SPMIP9: variants seen among roughly 807,000 people sequenced by gnomAD.
SPMIP9 encodes protein SPMIP9.
the SPMIP9 span, chr2:88,529,298 C>A: frequency 1.2e-6 from 2 of 1,614,134 alleles, no homozygotes. Context: ...CCAGGGTGAC[C>A]CCAACCAGGT....
the SPMIP9 span, chr2:88,529,184 G>A: frequency 1.1e-5 from 17 of 1,614,108 alleles, no homozygotes; most frequent in Middle Eastern, 1.6e-4. Context: ...GGGACTCCCC[G>A]GCTTCTTCCC....
the SPMIP9 span, among the ~76,000 whole-genome samples, chr2:88,525,090 G>C: frequency 6.6e-6 from 1 of 152,152 alleles, no homozygotes; most frequent in Non-Finnish European, 1.5e-5. Flanking sequence ...CTGAGTCCTA[G>C]GCCTGGGCCT....
the SPMIP9 span, chr2:88,529,556 AAAT>A: frequency 8.0e-7 from 1 of 1,254,484 alleles, no homozygotes; most frequent in Non-Finnish European, 1.1e-6. Context: ...GGAGAACTGA[AAAT>A]AAAACTGGAA....
the SPMIP9 span, among the ~76,000 whole-genome samples, chr2:88,527,260 G>GT: frequency 6.6e-6 from 1 of 151,902 alleles, no homozygotes; most frequent in Non-Finnish European, 1.5e-5. Context: ...GAGACCAGGG[G>GT]TTTGAGACCA....
chr2:88,528,138 C>A, the SPMIP9 span, among the ~76,000 whole-genome samples: 9 of 135,524 alleles, frequency 6.6e-5, no homozygotes, highest in African/African-American at 1.3e-4. Flanking sequence ...AGCATTTTCC[C>A]TTTTTTTTTT....
At chr2:88,525,697 TGTGACG>T in the SPMIP9 span, 2 of 1,613,868 alleles carry the variant, frequency 1.2e-6, no homozygotes, top group South Asian at 2.2e-5. Flanking sequence ...TTCTGTCCCC[TGTGACG>T]GTCTCAGGGT....
chr2:88,525,526 A>G, the SPMIP9 span: 1 of 1,095,132 alleles, frequency 9.1e-7, no homozygotes, highest in Non-Finnish European at 1.4e-6. Flanking sequence ...GATGGGGAGG[A>G]GTGGGCTAAG....
At chr2:88,529,441 C>G in the SPMIP9 span, 1 of 1,613,488 alleles carries the variant, frequency 6.2e-7, no homozygotes, top group East Asian at 2.2e-5. Flanking sequence ...CCATCTTGAA[C>G]CGGTGGGGAC....
At chr2:88,527,512 G>A in the SPMIP9 span, among the ~76,000 whole-genome samples, 2 of 151,980 alleles carry the variant, frequency 1.3e-5, no homozygotes, top group Non-Finnish European at 2.9e-5. Flanking sequence ...TATATTCTTT[G>A]GTTTTGCCTT....
chr2:88,529,223 G>A, the SPMIP9 span: 3 of 1,614,046 alleles, frequency 1.9e-6, no homozygotes, highest in African/African-American at 4.0e-5. Context: ...CACGAGGGAG[G>A]ACGAGCGCAA....
At chr2:88,527,899 A>G in the SPMIP9 span, among the ~76,000 whole-genome samples, 1 of 152,168 alleles carries the variant, frequency 6.6e-6, no homozygotes, top group Admixed American at 6.5e-5. Context: ...CAATCTTGCC[A>G]TTGCTTGGTA....
At chr2:88,526,656 A>G in the SPMIP9 span, among the ~76,000 whole-genome samples, 1 of 149,396 alleles carries the variant, frequency 6.7e-6, no homozygotes, top group Non-Finnish European at 1.5e-5. Context: ...ATGTGCATGT[A>G]TGTGTGTGTA....
the SPMIP9 span, chr2:88,528,992 A>G: frequency 2.0e-6 from 3 of 1,528,320 alleles, no homozygotes; most frequent in African/African-American, 2.8e-5. Context: ...GCTTCCAAGA[A>G]AAGCTACATC....
the SPMIP9 span, chr2:88,529,526 ATGACCT>A: frequency 6.7e-7 from 1 of 1,491,236 alleles, no homozygotes; most frequent in Non-Finnish European, 9.1e-7. Context: ...TGGAAATCCT[ATGACCT>A]TGGAGTGCAG....
At chr2:88,527,986 T>A in the SPMIP9 span, among the ~76,000 whole-genome samples, 1 of 152,210 alleles carries the variant, frequency 6.6e-6, no homozygotes, top group Non-Finnish European at 1.5e-5. Flanking sequence ...TTCATTTCAC[T>A]AACAATGAGG....
chr2:88,529,204 A>T, the SPMIP9 span: 1 of 1,614,110 alleles, frequency 6.2e-7, no homozygotes, highest in East Asian at 2.2e-5. Flanking sequence ...CATCACAGGA[A>T]CATGAGGCCA....
chr2:88,528,872 A>C, the SPMIP9 span, among the ~76,000 whole-genome samples: 1 of 152,222 alleles, frequency 6.6e-6, no homozygotes, highest in Non-Finnish European at 1.5e-5. Context: ...CTTACGTTTC[A>C]CTATAAACCC....
At chr2:88,529,405 T>G in the SPMIP9 span, 4 of 1,613,928 alleles carry the variant, frequency 2.5e-6, no homozygotes, top group Non-Finnish European at 3.4e-6. Context: ...GGTGTCCCTG[T>G]CTTCATTGCC....
At chr2:88,525,462 A>G in the SPMIP9 span, among the ~76,000 whole-genome samples, 2 of 152,178 alleles carry the variant, frequency 1.3e-5, no homozygotes, top group Non-Finnish European at 2.9e-5. Flanking sequence ...GGACCCTGGT[A>G]TCACCACCAA....
Sources: allele counts gnomAD v4.1 joint callset (sites outside exome capture counted in the v4.1 genomes callset), GRCh38; gene constraint gnomAD v4.1.1; transcripts MANE v1.5; gene names NCBI Gene and HGNC (gene_info 2026-07-23, HGNC 2026-07-21).